Variants in CSMD1 observed in about 807,000 individuals in gnomAD.
The protein encoded by CSMD1 is CUB and sushi domain-containing protein 1.
CSMD1 carries 213 observed loss-of-function variants against 417.5 expected under a neutral mutation model. That is an observed-to-expected ratio of 0.51 (90% CI 0.46 to 0.57). The LOEUF is 0.57. Ranked by LOEUF, CSMD1 falls within the 20% of genes least tolerant of loss-of-function variation. CSMD1 has a pLI of 0.00. For missense variants in CSMD1, 6,923 were observed against 4,529.7 expected (o/e 1.53, Z -15.17); for synonymous variants, 2,862 against 1,736.8 (o/e 1.65, Z -16.11).
chr8:4,012,581 C>T (rs1367251360), intron 4 of CSMD1, among the ~76,000 whole-genome samples: 1 of 151,994 alleles, frequency 6.6e-6, no homozygotes. Flanking sequence ...CACCTCCTTC[C>T]TCCCCTCAGT....
chr8:4,871,266 T>C (rs1379890379), intron 1 of CSMD1, among the ~76,000 whole-genome samples: 1 of 152,160 alleles, frequency 6.6e-6, no homozygotes, highest in Non-Finnish European at 1.5e-5. Context: ...GCCCATTTTC[T>C]TAGGAAATTT....
In CSMD1 at chr8:4,938,952, T is replaced by C. The variant is rs77588276; in HGVS notation, c.85+55380A>G. ...CTTTTGTGTGTCTTCTTTGGAGAAATGTTATTCTAGTCCTTTGTCCATGTT... is the reference window on the plus strand; with the variant it reads ...CTTTTGTGTGTCTTCTTTGGAGAAACGTTATTCTAGTCCTTTGTCCATGTT... On this transcript the variant is annotated intron_variant, in intron 1 of 69. Transcript: ENST00000635120. Among the ~76,000 whole-genome samples the C allele has an allele frequency of 4.9e-3, 691 of 141,924 alleles. 14 individuals carry two copies. The East Asian group carries it at 0.056, about 12-fold the overall frequency. 93.1% of individuals were successfully genotyped at this position (141,924 alleles called of 152,430 possible).
intron 5 of CSMD1, among the ~76,000 whole-genome samples, chr8:3,903,855 T>C (rs1039026327): frequency 2.6e-5 from 4 of 151,934 alleles, no homozygotes; most frequent in African/African-American, 9.7e-5. Flanking sequence ...TCTTGTTTGT[T>C]AGGGAGTCAT....
intron 3 of CSMD1, among the ~76,000 whole-genome samples, chr8:4,280,918 C>T (rs1053085802): frequency 6.6e-6 from 1 of 152,148 alleles, no homozygotes; most frequent in African/African-American, 2.4e-5. Flanking sequence ...GTTGCAATTG[C>T]AAAAGTAGAT....
chr8:3,531,017 T>C (rs1797957939), intron 10 of CSMD1, among the ~76,000 whole-genome samples: 1 of 144,020 alleles, frequency 6.9e-6, no homozygotes, highest in African/African-American at 2.7e-5. Context: ...CATGCCCAGC[T>C]AATTTTTTTT....
At chr8:3,688,605 T>A (rs930231863) in intron 7 of CSMD1, among the ~76,000 whole-genome samples, 1 of 152,226 alleles carries the variant, frequency 6.6e-6, no homozygotes, top group African/African-American at 2.4e-5. Context: ...CAATAAAATA[T>A]TGGGGAAAAG....
At position 3,587,140 on chromosome 8, in the gene CSMD1, G is replaced by A. The variant is rs554678424; in HGVS notation, c.1098-880C>T. Among the ~76,000 whole-genome samples, 749 of 152,332 alleles carry A rather than the reference G, an allele frequency of 4.9e-3. 4 individuals are homozygous for A. The highest frequency in any genetic ancestry group is 0.017 in the African/African-American group (702 of 41,582). ...GCAATCCATCCAGCCTGGATTTAGAGAAAAAACTGCCCTGGCTCCAGAGCT... is the reference window on the plus strand; with the variant it reads ...GCAATCCATCCAGCCTGGATTTAGAAAAAAAACTGCCCTGGCTCCAGAGCT... On this transcript the variant is annotated intron_variant, in intron 8 of 69. Coordinates refer to ENST00000635120, the MANE Select transcript of CSMD1 (RefSeq NM_033225.6).
chr8:3,294,391 C>T (rs554362786), intron 25 of CSMD1, among the ~76,000 whole-genome samples: 1 of 152,310 alleles, frequency 6.6e-6, no homozygotes, highest in East Asian at 1.9e-4. Flanking sequence ...TTTCTGCTGC[C>T]TTCTGTTGGT....
Position 4,094,232 on chromosome 8 carries a change from C to A in CSMD1, c.416-62133G>T, listed in dbSNP as rs189071096. 2.0e-5 allele frequency among the ~76,000 whole-genome samples: 3 copies of A among 152,098 alleles called. No individual in the cohort carries two copies. In the East Asian group the frequency reaches 5.8e-4, roughly 30 times the overall value. Reference sequence around the variant, plus strand: ...TTGGCTGCACTAGCTGCCCTCGTAACCTGGACAAGTTGACTGTTTGTAAAT... The same window carrying A: ...TTGGCTGCACTAGCTGCCCTCGTAAACTGGACAAGTTGACTGTTTGTAAAT... On this transcript the variant is annotated intron_variant, in intron 3 of 69. Transcript: ENST00000635120.
chr8:3,351,598 C>T (rs1358711934), intron 21 of CSMD1, among the ~76,000 whole-genome samples: 1 of 124,264 alleles, frequency 8.0e-6, no homozygotes. Context: ...GACTCTGTTT[C>T]AAAAAAAAAA....
intron 3 of CSMD1, among the ~76,000 whole-genome samples, chr8:4,062,301 A>C (rs1437810194): frequency 2.6e-5 from 4 of 152,114 alleles, no homozygotes; most frequent in African/African-American, 9.7e-5. Flanking sequence ...AGAGCATGTC[A>C]ACTGGGGACT....
intron 2 of CSMD1, among the ~76,000 whole-genome samples, chr8:4,471,745 T>TA (rs397778283): frequency 4.1e-5 from 2 of 48,604 alleles, no homozygotes; most frequent in African/African-American, 7.8e-5. Flanking sequence ...AGAAAAGAAG[T>TA]TAGACCCATT....
intron 7 of CSMD1, among the ~76,000 whole-genome samples, chr8:3,658,464 G>A (rs375847734): frequency 4.2e-5 from 6 of 144,174 alleles, no homozygotes; most frequent in South Asian, 2.1e-4. Context: ...TATATATATT[G>A]TGTATATATA....
At chr8:4,462,783 G>C (rs553170551) in intron 2 of CSMD1, among the ~76,000 whole-genome samples, 2 of 150,228 alleles carry the variant, frequency 1.3e-5, no homozygotes, top group East Asian at 1.9e-4. Context: ...GTATCCACAA[G>C]AGGGTACCCC....
chr8:3,359,379 G>C (rs749825652), intron 20 of CSMD1, 39 bp from the exon 21 acceptor site: 1 of 1,484,584 alleles, frequency 6.7e-7, no homozygotes, highest in Non-Finnish European at 9.3e-7. Context: ...ATGAGGATTT[G>C]GGTAAATACA....
At chr8:3,263,389 G>A (rs943529315) in intron 26 of CSMD1, among the ~76,000 whole-genome samples, 6 of 152,122 alleles carry the variant, frequency 3.9e-5, no homozygotes, top group East Asian at 1.9e-4. Flanking sequence ...ATGAGCCACC[G>A]TGCCAGGCCT....
intron 1 of CSMD1, among the ~76,000 whole-genome samples, chr8:4,665,540 T>C (rs1233496843): frequency 6.6e-6 from 1 of 152,202 alleles, no homozygotes; most frequent in Non-Finnish European, 1.5e-5. Flanking sequence ...GGGTGGCAGC[T>C]GGTTATCAGT....
intron 10 of CSMD1, among the ~76,000 whole-genome samples, chr8:3,545,899 T>G (rs1304339245): frequency 6.6e-6 from 1 of 152,126 alleles, no homozygotes; most frequent in East Asian, 1.9e-4. Flanking sequence ...AGCAATAAAA[T>G]TATAGTGAAT....
At chr8:3,163,340 T>C (rs1037320227) in intron 37 of CSMD1, among the ~76,000 whole-genome samples, 12 of 151,882 alleles carry the variant, frequency 7.9e-5, no homozygotes, top group Admixed American at 6.6e-4. Flanking sequence ...ACTTATCAGA[T>C]TACTTAATTG....
Sources: allele counts gnomAD v4.1 joint callset (sites outside exome capture counted in the v4.1 genomes callset), GRCh38; gene constraint gnomAD v4.1.1; transcripts MANE v1.5; gene names NCBI Gene and HGNC (gene_info 2026-07-23, HGNC 2026-07-21).